Variants in GLRA3 observed in about 807,000 individuals in gnomAD.
GLRA3 encodes the protein glycine receptor subunit alpha-3.
In GLRA3, 44 loss-of-function variants were observed where a neutral mutation model predicts 60.4. The ratio of observed to expected loss-of-function variants is 0.73; its 90% CI spans 0.57 to 0.94. The LOEUF (loss-of-function observed/expected upper bound fraction) is 0.94. Among genes scored for constraint, GLRA3 ranks in the 40% least tolerant of loss-of-function variants. The probability of loss-of-function intolerance (pLI) is 0.00; values close to 1 mark genes in which losing one functional copy is unlikely to be tolerated. For synonymous variants in GLRA3, 223 were observed against 192.9 expected (o/e 1.16, Z -1.29); for missense variants, 508 against 564.6 (o/e 0.90, Z 1.02).
rs564553950 is a variant in GLRA3, at chr4:174,770,239, C to A, written c.200-3209G>T. On this transcript the variant is annotated intron_variant, in intron 2 of 9. Coordinates refer to ENST00000274093, the MANE Select transcript of GLRA3 (RefSeq NM_006529.4). ...TAAATCCTATACTACACATTGAAAT[C>A]ACCTGGCAATCTTTACAAACCATAG... Among the ~76,000 whole-genome samples the A allele has an allele frequency of 3.9e-5, 6 of 152,202 alleles. No individual in the cohort carries two copies. In the South Asian group the frequency reaches 1.2e-3, roughly 32 times the overall value.
chr4:174,714,631 A>C (rs1457962057), intron 5 of GLRA3, among the ~76,000 whole-genome samples: 1 of 152,146 alleles, frequency 6.6e-6, no homozygotes, highest in Non-Finnish European at 1.5e-5. Context: ...CTTGTCTTTG[A>C]CACCTGGAGT....
intron 3 of GLRA3, among the ~76,000 whole-genome samples, chr4:174,748,783 G>C (rs748720911): frequency 6.6e-6 from 1 of 152,140 alleles, no homozygotes; most frequent in African/African-American, 2.4e-5. Context: ...GAGGTTAAGG[G>C]TAGGTTTGTG....
chr4:174,805,036 A>T (rs1253679977), intron 1 of GLRA3, among the ~76,000 whole-genome samples: 1 of 152,174 alleles, frequency 6.6e-6, no homozygotes, highest in Non-Finnish European at 1.5e-5. Context: ...CTATTGGCAC[A>T]GCTGTCGGCA....
chr4:174,753,137 G>A (rs1579553698), intron 3 of GLRA3, among the ~76,000 whole-genome samples: 1 of 152,156 alleles, frequency 6.6e-6, no homozygotes, highest in South Asian at 2.1e-4. Context: ...TAACAAGGAA[G>A]GCTTAACTCT....
chr4:174,825,971 T>C (rs967967029), intron 1 of GLRA3, among the ~76,000 whole-genome samples: 3 of 152,142 alleles, frequency 2.0e-5, no homozygotes, highest in African/African-American at 7.2e-5. Flanking sequence ...ACATTACTGA[T>C]ATAAGTGTAA....
At chr4:174,648,410 G>A (rs1732909222) in intron 9 of GLRA3, among the ~76,000 whole-genome samples, 1 of 152,168 alleles carries the variant, frequency 6.6e-6, no homozygotes, top group South Asian at 2.1e-4. Flanking sequence ...GTTGCAGTGA[G>A]CCAAGATCAT....
chr4:174,702,128 A>AT (rs1192129605), intron 5 of GLRA3, among the ~76,000 whole-genome samples: 1 of 152,174 alleles, frequency 6.6e-6, no homozygotes, highest in African/African-American at 2.4e-5. Context: ...GAGTCACTCA[A>AT]TGAAGCAAAC....
In GLRA3 at chr4:174,703,797, G is replaced by A. The variant is rs59236895; in HGVS notation, c.574+11691C>T. Among the ~76,000 whole-genome samples, 364 of 152,188 alleles carry A rather than the reference G, an allele frequency of 2.4e-3. 2 individuals carry two copies. The highest frequency in any genetic ancestry group is 8.5e-3 in the African/African-American group (351 of 41,518). ...ATAGTTTCTCAGTGAAAGACTGAAG[G>A]GTATGTTTTCTGAATTCCTCCTTTT... On this transcript the variant is annotated intron_variant, in intron 5 of 9. Coordinates refer to ENST00000274093, the MANE Select transcript of GLRA3 (RefSeq NM_006529.4).
chr4:174,735,595 C>A (rs1053599916), intron 3 of GLRA3, among the ~76,000 whole-genome samples: 1 of 152,150 alleles, frequency 6.6e-6, no homozygotes, highest in Non-Finnish European at 1.5e-5. Context: ...GAGCATGGCT[C>A]TGTCTCCCAG....
chr4:174,766,555 T>C (rs1196219296), intron 3 of GLRA3, among the ~76,000 whole-genome samples: 3 of 152,072 alleles, frequency 2.0e-5, no homozygotes, highest in Non-Finnish European at 4.4e-5. Context: ...ACCATATTCA[T>C]TTGAAAAAGT....
intron 5 of GLRA3, among the ~76,000 whole-genome samples, chr4:174,693,320 G>C (rs897769721): frequency 5.3e-5 from 8 of 152,152 alleles, no homozygotes; most frequent in African/African-American, 1.9e-4. Flanking sequence ...AATCCATCTT[G>C]AGTTGATTTT....
At chr4:174,734,293 A>G (rs2111151322) in intron 3 of GLRA3, among the ~76,000 whole-genome samples, 1 of 152,308 alleles carries the variant, frequency 6.6e-6, no homozygotes, top group Admixed American at 6.5e-5. Flanking sequence ...TGCGTCAGGA[A>G]GCACAGAATA....
chr4:174,750,266 A>G (rs191290611), intron 3 of GLRA3, among the ~76,000 whole-genome samples: 288 of 152,290 alleles, frequency 1.9e-3, no homozygotes, highest in African/African-American at 6.7e-3. Flanking sequence ...GTGTGTTTAC[A>G]GAGATTCTAG....
chr4:174,802,320 C>T (rs1739845728), intron 1 of GLRA3, among the ~76,000 whole-genome samples: 1 of 152,040 alleles, frequency 6.6e-6, no homozygotes, highest in Non-Finnish European at 1.5e-5. Flanking sequence ...ACATTTGTCT[C>T]ATCTACGTTC....
At chr4:174,765,893 A>T (rs915291474) in intron 3 of GLRA3, among the ~76,000 whole-genome samples, 2 of 151,930 alleles carry the variant, frequency 1.3e-5, no homozygotes, top group African/African-American at 4.8e-5. Context: ...TTTGAATAGA[A>T]TCACAGAGAT....
chr4:174,776,674 G>A (rs1008500264), intron 2 of GLRA3, among the ~76,000 whole-genome samples: 1 of 152,150 alleles, frequency 6.6e-6, no homozygotes, highest in Non-Finnish European at 1.5e-5. Context: ...AAGTAGAACT[G>A]TGCATCGTTA....
At chr4:174,734,019 CT>C (rs142249731) in intron 3 of GLRA3, among the ~76,000 whole-genome samples, 29 of 148,920 alleles carry the variant, frequency 1.9e-4, no homozygotes, top group Non-Finnish European at 2.2e-4. Context: ...AATAGACTTT[CT>C]TTTTTTTTTG....
At chr4:174,785,779 CTTTT>C (rs1467887725) in intron 2 of GLRA3, among the ~76,000 whole-genome samples, 1 of 151,720 alleles carries the variant, frequency 6.6e-6, no homozygotes, top group African/African-American at 2.4e-5. Flanking sequence ...CATTCTTCTT[CTTTT>C]TTAAGAGATA....
At chr4:174,736,160 C>A (rs573042061) in intron 3 of GLRA3, among the ~76,000 whole-genome samples, 1 of 152,136 alleles carries the variant, frequency 6.6e-6, no homozygotes, top group South Asian at 2.1e-4. Flanking sequence ...GACATTCTAA[C>A]TACTGTGTTT....
Sources: allele counts gnomAD v4.1 joint callset (sites outside exome capture counted in the v4.1 genomes callset), GRCh38; gene constraint gnomAD v4.1.1; transcripts MANE v1.5; gene names NCBI Gene and HGNC (gene_info 2026-07-23, HGNC 2026-07-21).